The following MAML3 variants were observed in gnomAD, a reference collection of about 807,000 sequenced individuals.
MAML3 encodes mastermind like transcriptional coactivator 3, also known as mastermind-like protein 3.
MAML3 carries 27 observed loss-of-function variants against 101.9 expected under a neutral mutation model. The observed-to-expected ratio is 0.27, with a 90% CI of 0.20 to 0.37. The LOEUF (loss-of-function observed/expected upper bound fraction) is 0.37, where lower values mean the gene tolerates loss of function less well. MAML3 is among the 10% of genes least tolerant of loss of function. MAML3 has a pLI of 1.00. For synonymous variants in MAML3, 501 were observed against 555.9 expected (o/e 0.90, Z 1.39); for missense variants, 1,316 against 1,444.9 (o/e 0.91, Z 1.45).
Position 139,886,581 on chromosome 4 carries a change from T to C in MAML3, c.2079+2776A>G, listed in dbSNP as rs147871748. On this transcript the variant is annotated intron_variant, in intron 2 of 4. Transcript: ENST00000509479. ...ATTGTAACATATAATTGTTTTATGA[T>C]CTATTTTATTCATATTATGAGCATT... 3.2e-3 allele frequency among the ~76,000 whole-genome samples: 486 copies of C among 152,304 alleles called. 3 individuals are homozygous for C. Among genetic ancestry groups the C allele is most frequent in the African/African-American group, 0.011 (451 of 41,574 alleles).
chr4:140,027,807 T>C (rs1180901768), intron 1 of MAML3, among the ~76,000 whole-genome samples: 1 of 152,236 alleles, frequency 6.6e-6, no homozygotes, highest in East Asian at 1.9e-4. Context: ...CTGCTATCAA[T>C]TCTTCCATTA....
intron 1 of MAML3, among the ~76,000 whole-genome samples, chr4:140,060,379 A>AAAAAAAAAAAAAAAAAAAAAC (rs1371693672): frequency 6.8e-6 from 1 of 147,570 alleles, no homozygotes; most frequent in East Asian, 1.9e-4. Flanking sequence ...AAAAAAAAAA[A>AAAAAAAAAAAAAAAAAAAAAC]AAAAAAGTCA....
intron 1 of MAML3, among the ~76,000 whole-genome samples, chr4:140,130,285 G>A (rs79396684): frequency 5.3e-5 from 8 of 152,292 alleles, no homozygotes; most frequent in Admixed American, 2.6e-4. Flanking sequence ...CAATGTCTAC[G>A]CTTACAGACT....
intron 1 of MAML3, among the ~76,000 whole-genome samples, chr4:139,971,514 C>T (rs1734234905): frequency 6.6e-6 from 1 of 152,158 alleles, no homozygotes; most frequent in Non-Finnish European, 1.5e-5. Context: ...TATAATTTGC[C>T]TTGTGCTTCA....
At chr4:139,744,355 A>G (rs1312036428) in intron 2 of MAML3, among the ~76,000 whole-genome samples, 5 of 152,222 alleles carry the variant, frequency 3.3e-5, no homozygotes, top group Non-Finnish European at 7.3e-5. Flanking sequence ...TCACAGCTAA[A>G]ACAAACAAAT....
In MAML3 at chr4:140,001,702, C is replaced by G. The variant is rs181957813; in HGVS notation, c.469-110735G>C. Among the ~76,000 whole-genome samples, 13 of 152,346 alleles carry G rather than the reference C, an allele frequency of 8.5e-5. No individual in the cohort carries two copies. The South Asian group carries it at 1.4e-3, about 17-fold the overall frequency. On this transcript the variant is annotated intron_variant, in intron 1 of 4. Coordinates refer to ENST00000509479, the MANE Select transcript of MAML3 (RefSeq NM_018717.5). ...AGATGATTCTATAAAAACTGTGAGT[C>G]TATCCCCAGGTACTGTAACTTGTTT...
chr4:139,774,292 C>G (rs1397658049), intron 2 of MAML3, among the ~76,000 whole-genome samples: 1 of 152,252 alleles, frequency 6.6e-6, no homozygotes, highest in Non-Finnish European at 1.5e-5. Flanking sequence ...CTGGGCGATA[C>G]TCTGTTACTG....
At chr4:139,803,698 C>T (rs942515592) in intron 2 of MAML3, among the ~76,000 whole-genome samples, 1 of 152,168 alleles carries the variant, frequency 6.6e-6, no homozygotes, top group Non-Finnish European at 1.5e-5. Context: ...ATAATAACAC[C>T]ACACAGCACT....
intron 1 of MAML3, among the ~76,000 whole-genome samples, chr4:139,986,327 T>C (rs556247542): frequency 1.3e-5 from 2 of 152,338 alleles, no homozygotes; most frequent in South Asian, 2.1e-4. Flanking sequence ...GGGACAGGCA[T>C]ATTTGCCAAG....
Position 139,827,630 on chromosome 4 carries a change from C to T in MAML3, c.2079+61727G>A, listed in dbSNP as rs1440948591. ...CTTTGTTAATTAAGCATTTTTCCAA[C>T]CTATGATGAGAATACTAATAGTAAT... On this transcript the variant is annotated intron_variant, in intron 2 of 4. Coordinates refer to ENST00000509479, the MANE Select transcript of MAML3 (RefSeq NM_018717.5). Among the ~76,000 whole-genome samples, 4 of 152,254 alleles carry T rather than the reference C, an allele frequency of 2.6e-5. No homozygotes were observed. The East Asian group carries it at 7.7e-4, about 29-fold the overall frequency.
At chr4:140,021,688 T>A (rs1166185248) in intron 1 of MAML3, among the ~76,000 whole-genome samples, 2 of 152,150 alleles carry the variant, frequency 1.3e-5, no homozygotes, top group South Asian at 4.1e-4. Flanking sequence ...GGGAATCTCA[T>A]TTCTTTCTTC....
chr4:139,967,325 A>G (rs1199446509), intron 1 of MAML3, among the ~76,000 whole-genome samples: 1 of 152,174 alleles, frequency 6.6e-6, no homozygotes, highest in Non-Finnish European at 1.5e-5. Flanking sequence ...TCCTGTGGGT[A>G]GCATGTGGGA....
chr4:139,796,948 A>C (rs545084112), intron 2 of MAML3, among the ~76,000 whole-genome samples: 4 of 152,276 alleles, frequency 2.6e-5, no homozygotes, highest in Non-Finnish European at 5.9e-5. Context: ...GAGAGCCATA[A>C]GTAGGTTATT....
intron 2 of MAML3, among the ~76,000 whole-genome samples, chr4:139,782,841 T>G (rs1331372391): frequency 6.6e-6 from 1 of 152,178 alleles, no homozygotes; most frequent in Non-Finnish European, 1.5e-5. Flanking sequence ...GGGGCTCAAT[T>G]TGGGAATCAC....
At chr4:139,813,323 G>T (rs1034701955) in intron 2 of MAML3, among the ~76,000 whole-genome samples, 3 of 152,110 alleles carry the variant, frequency 2.0e-5, no homozygotes, top group Admixed American at 6.6e-5. Flanking sequence ...GAACTTTCAG[G>T]TTGAAAGGCC....
At chr4:139,918,722 C>T (rs578130762) in intron 1 of MAML3, among the ~76,000 whole-genome samples, 11 of 152,266 alleles carry the variant, frequency 7.2e-5, no homozygotes, top group South Asian at 4.1e-4. Flanking sequence ...GATAAGCGCA[C>T]GACTGGTGGT....
Position 139,716,878 on chromosome 4 carries a change from A to AAAG in MAML3, c.*2442_*2444dup, listed in dbSNP as rs1727992520. The AAAG allele has an allele frequency of 6.6e-6, 1 of 152,660 alleles. No homozygotes were observed. Among genetic ancestry groups the AAAG allele is most frequent in the African/African-American group, 2.4e-5 (1 of 41,462 alleles). The allele number at this position is 152,660 out of a possible 1,614,324, so 9.5% of individuals were successfully genotyped here. On this transcript the variant is annotated 3_prime_UTR_variant, in exon 5 of 5. Transcript: ENST00000509479. The stretch of plus-strand genomic sequence containing the variant: ...AGGAAATAAGCAATGCTCAATGTAC[A>AAAG]AAGTAAAAACAGAAAACTAGAAAAA...
chr4:139,728,328 G>T (rs1728559914), intron 3 of MAML3, among the ~76,000 whole-genome samples: 1 of 152,198 alleles, frequency 6.6e-6, no homozygotes, highest in Non-Finnish European at 1.5e-5. Context: ...CCACTGACCT[G>T]GCTGGGCCAT....
chr4:140,055,712 T>G (rs546618395), intron 1 of MAML3, among the ~76,000 whole-genome samples: 1 of 152,136 alleles, frequency 6.6e-6, no homozygotes, highest in Non-Finnish European at 1.5e-5. Context: ...TTACACATCA[T>G]GAGTTCTTTC....
Sources: allele counts gnomAD v4.1 joint callset (sites outside exome capture counted in the v4.1 genomes callset), GRCh38; gene constraint gnomAD v4.1.1; transcripts MANE v1.5; gene names NCBI Gene and HGNC (gene_info 2026-07-23, HGNC 2026-07-21).